The following PCDH15 variants were observed in gnomAD, a reference collection of about 807,000 sequenced individuals.
PCDH15 encodes the protein protocadherin-15.
Under a neutral mutation model 178.5 loss-of-function variants are expected in PCDH15, and 129 were observed. The ratio of observed to expected loss-of-function variants is 0.72; its 90% CI spans 0.63 to 0.84. PCDH15 has a LOEUF of 0.84. Among genes scored for constraint, PCDH15 ranks in the 40% least tolerant of loss-of-function variants. The pLI, the probability that PCDH15 is intolerant of heterozygous loss-of-function variation, is 0.00. For missense variants in PCDH15, 2,230 were observed against 2,099.9 expected (o/e 1.06, Z -1.21); for synonymous variants, 800 against 732.0 (o/e 1.09, Z -1.50).
At chr10:55,173,579 A>T (rs575751664) in intron 1 of PCDH15, among the ~76,000 whole-genome samples, 1 of 152,210 alleles carries the variant, frequency 6.6e-6, no homozygotes, top group African/African-American at 2.4e-5. Flanking sequence ...TCTTAAAATT[A>T]TCAACTTTCT....
chr10:54,036,947 A>G (rs2093430455), intron 18 of PCDH15, among the ~76,000 whole-genome samples: 3 of 151,964 alleles, frequency 2.0e-5, no homozygotes. Flanking sequence ...TTCTTCCTTC[A>G]TGAATGACTC....
intron 1 of PCDH15, among the ~76,000 whole-genome samples, chr10:54,698,717 T>A (rs1417383853): frequency 3.9e-5 from 6 of 152,156 alleles, no homozygotes; most frequent in Admixed American, 3.9e-4. Context: ...TACAGTGAAT[T>A]TAGAGGTCAT....
chr10:54,813,295 C>A (rs534921237), intron 3 of PCDH15, among the ~76,000 whole-genome samples: 1 of 152,304 alleles, frequency 6.6e-6, no homozygotes, highest in South Asian at 2.1e-4. Context: ...GCAGATGATG[C>A]CCAAGTTTTC....
At chr10:54,381,704 T>G (rs1350863735) in intron 3 of PCDH15, among the ~76,000 whole-genome samples, 1 of 152,082 alleles carries the variant, frequency 6.6e-6, no homozygotes, top group Non-Finnish European at 1.5e-5. Flanking sequence ...GGAATAATCC[T>G]GAGTAGGCCT....
At chr10:54,630,705 A>G (rs2093678502) in intron 2 of PCDH15, among the ~76,000 whole-genome samples, 1 of 152,198 alleles carries the variant, frequency 6.6e-6, no homozygotes, top group Non-Finnish European at 1.5e-5. Flanking sequence ...AACTATCAAC[A>G]GAGTAAACAG....
chr10:55,466,213 A>G (rs1839828472), intron 2 of PCDH15, among the ~76,000 whole-genome samples: 1 of 152,182 alleles, frequency 6.6e-6, no homozygotes, highest in South Asian at 2.1e-4. Context: ...AATAAGTCAC[A>G]TATCAAAACT....
chr10:55,157,621 A>G (rs1838926098), intron 2 of PCDH15, among the ~76,000 whole-genome samples: 1 of 151,806 alleles, frequency 6.6e-6, no homozygotes, highest in Non-Finnish European at 1.5e-5. Context: ...AATACTATGT[A>G]GCCATAAAAA....
At chr10:55,005,570 G>A (rs1019237913) in intron 2 of PCDH15, among the ~76,000 whole-genome samples, 1 of 151,954 alleles carries the variant, frequency 6.6e-6, no homozygotes, top group African/African-American at 2.4e-5. Flanking sequence ...TTATCTCATA[G>A]ATTTGTTTTT....
At chr10:55,169,546 T>G (rs1376430031) in intron 1 of PCDH15, among the ~76,000 whole-genome samples, 1 of 152,146 alleles carries the variant, frequency 6.6e-6, no homozygotes, top group Non-Finnish European at 1.5e-5. Context: ...AATAATCAAT[T>G]AAAATTTATT....
intron 1 of PCDH15, among the ~76,000 whole-genome samples, chr10:55,258,484 T>G (rs530324627): frequency 6.6e-6 from 1 of 152,254 alleles, no homozygotes; most frequent in South Asian, 2.1e-4. Flanking sequence ...TTTCTTTCTT[T>G]CCTGTTCTAA....
intron 1 of PCDH15, among the ~76,000 whole-genome samples, chr10:55,183,804 G>C (rs1009791529): frequency 6.6e-6 from 1 of 151,806 alleles, no homozygotes; most frequent in Non-Finnish European, 1.5e-5. Context: ...GTTTGTCCTG[G>C]ACAGTACTAG....
rs182380642 is a variant in PCDH15 at position 54,863,490 on chromosome 10, C to T, written c.-29+33960G>A. ...CCAGGAGGCGGAGCTTGCAGCGAGC[C>T]GAGATCGTGCCACTGCGCTCCAGCC... On this transcript the variant is annotated intron_variant, in intron 3 of 5. Coordinates refer to the PCDH15 transcript ENST00000458638. Among the ~76,000 whole-genome samples the T allele has an allele frequency of 8.9e-3, 1,352 of 152,214 alleles. 20 individuals carry two copies. The highest frequency in any genetic ancestry group is 0.029 in the African/African-American group (1,220 of 41,556).
chr10:54,421,715 A>T, intron 3 of PCDH15, among the ~76,000 whole-genome samples: 1 of 131,952 alleles, frequency 7.6e-6, no homozygotes. Context: ...CACACACTAT[A>T]TATATTTTTG....
At chr10:55,478,242 T>C (rs1840102294) in intron 2 of PCDH15, among the ~76,000 whole-genome samples, 1 of 151,754 alleles carries the variant, frequency 6.6e-6, no homozygotes, top group South Asian at 2.1e-4. Flanking sequence ...CATCCCACTG[T>C]TCTGCAATGG....
At chr10:54,334,949 CTG>C (rs1466289893) in intron 6 of PCDH15, among the ~76,000 whole-genome samples, 4 of 152,066 alleles carry the variant, frequency 2.6e-5, no homozygotes, top group Admixed American at 1.3e-4. Flanking sequence ...TTGAATATAA[CTG>C]TGAGTCTGTG....
intron 2 of PCDH15, among the ~76,000 whole-genome samples, chr10:55,134,247 T>C (rs1233063187): frequency 3.9e-5 from 6 of 152,186 alleles, no homozygotes; most frequent in Non-Finnish European, 8.8e-5. Flanking sequence ...ACCTTTGGAC[T>C]GATTTGTCCT....
chr10:54,201,069 C>T (rs2050186137), intron 10 of PCDH15, among the ~76,000 whole-genome samples: 1 of 152,126 alleles, frequency 6.6e-6, no homozygotes, highest in Admixed American at 6.5e-5. Flanking sequence ...TGGTCTTTTC[C>T]ACTTCTTTAA....
chr10:54,430,617 T>C (rs1956851476), intron 3 of PCDH15, among the ~76,000 whole-genome samples: 1 of 151,848 alleles, frequency 6.6e-6, no homozygotes, highest in African/African-American at 2.4e-5. Context: ...ACAAAAGCAG[T>C]ACTGAGAGAA....
At chr10:54,704,530 C>T (rs1360580908) in intron 1 of PCDH15, among the ~76,000 whole-genome samples, 2 of 152,146 alleles carry the variant, frequency 1.3e-5, no homozygotes. Context: ...CATGCAGAGA[C>T]ACTTTCAGAA....
Sources: allele counts gnomAD v4.1 joint callset (sites outside exome capture counted in the v4.1 genomes callset), GRCh38; gene constraint gnomAD v4.1.1; transcripts MANE v1.5; gene names NCBI Gene and HGNC (gene_info 2026-07-23, HGNC 2026-07-21).